CACNA2D1: variants seen among roughly 807,000 people sequenced by gnomAD.
CACNA2D1 encodes calcium voltage-gated channel auxiliary subunit alpha2delta 1.
CACNA2D1 carries 53 observed loss-of-function variants against 171.5 expected under a neutral mutation model. The ratio of observed to expected loss-of-function variants is 0.31; its 90% confidence interval spans 0.25 to 0.39. The LOEUF is 0.39. Ranked by LOEUF, CACNA2D1 falls within the 10% of genes least tolerant of loss-of-function variation. The probability of loss-of-function intolerance (pLI) is 1.00; values close to 1 mark genes in which losing one functional copy is unlikely to be tolerated. For synonymous variants in CACNA2D1, 442 were observed against 443.1 expected, an observed-to-expected ratio of 1.00 and a Z score of 0.03; for missense variants, 903 against 1,299.8, an observed-to-expected ratio of 0.69 and a Z score of 4.69.
At chr7:81,978,378 C>T (rs949837303) in intron 24 of CACNA2D1, among the ~76,000 whole-genome samples, 2 of 152,100 alleles carry the variant, frequency 1.3e-5, no homozygotes, top group Admixed American at 6.6e-5. Flanking sequence ...AAATATAACA[C>T]AAATGCCCCA....
At chr7:82,209,449 G>A (rs930471056) in intron 3 of CACNA2D1, among the ~76,000 whole-genome samples, 4 of 152,124 alleles carry the variant, frequency 2.6e-5, no homozygotes, top group African/African-American at 9.7e-5. Flanking sequence ...ATAGACCTTG[G>A]TAGCAAAGTG....
At chr7:82,114,483 GC>G (rs1788800996) in intron 6 of CACNA2D1, among the ~76,000 whole-genome samples, 1 of 152,112 alleles carries the variant, frequency 6.6e-6, no homozygotes, top group Non-Finnish European at 1.5e-5. Flanking sequence ...GGGGGCTCAC[GC>G]CTTTAATCCC....
intron 3 of CACNA2D1, among the ~76,000 whole-genome samples, chr7:82,242,149 G>A (rs1384948856): frequency 3.9e-5 from 6 of 152,084 alleles, no homozygotes; most frequent in Non-Finnish European, 8.8e-5. Context: ...GGGATTAGTT[G>A]ACATTATGTA....
chr7:82,193,727 A>G (rs961317831), intron 3 of CACNA2D1, among the ~76,000 whole-genome samples: 4 of 151,998 alleles, frequency 2.6e-5, no homozygotes, highest in Non-Finnish European at 4.4e-5. Context: ...GTATTTGAAG[A>G]GTAGGCATTA....
intron 3 of CACNA2D1, among the ~76,000 whole-genome samples, chr7:82,251,390 T>C (rs1349195750): frequency 6.6e-6 from 1 of 152,220 alleles, no homozygotes; most frequent in Non-Finnish European, 1.5e-5. Context: ...TAATTTGTTA[T>C]ACATTGCTGT....
Position 82,422,887 on chromosome 7 carries a change from GA to G in CACNA2D1, c.95+20477del, listed in dbSNP as rs879581387. ...AAATAAGCAAAAGATGCTTTGTCAAGAAAAAAAAAAAATTTCCATGCATTTT... is the reference window on the plus strand; with the variant it reads ...AAATAAGCAAAAGATGCTTTGTCAAGAAAAAAAAAAATTTCCATGCATTTT... On this transcript the variant is annotated intron_variant, in intron 1 of 38. Coordinates refer to ENST00000356860, the MANE Select transcript of CACNA2D1 (RefSeq NM_000722.4). Among the ~76,000 whole-genome samples the G allele has an allele frequency of 5.9e-3, 852 of 143,442 alleles. 8 individuals are homozygous for G. Among genetic ancestry groups the G allele is most frequent in the African/African-American group, 0.019 (760 of 39,462 alleles). 94.1% of individuals were successfully genotyped at this position (143,442 alleles called of 152,430 possible).
chr7:82,020,959 A>T (rs1042841805), intron 12 of CACNA2D1: 1 of 152,162 alleles, frequency 6.6e-6, no homozygotes, highest in African/African-American at 2.4e-5. Context: ...CACATTCACA[A>T]AGAACCAAGC....
intron 10 of CACNA2D1, among the ~76,000 whole-genome samples, chr7:82,052,444 A>C (rs1439561910): frequency 6.6e-6 from 1 of 152,182 alleles, no homozygotes; most frequent in Admixed American, 6.6e-5. Flanking sequence ...TAAATTGTTA[A>C]ATCTGTATTT....
In CACNA2D1 at chr7:81,961,933, T is replaced by A; in HGVS notation, c.2927A>T (p.Lys976Ile). 6.2e-7 allele frequency: 1 copy of A among 1,611,118 alleles called. No homozygotes were observed. Among genetic ancestry groups the A allele is most frequent in the South Asian group, 1.1e-5 (1 of 91,032 alleles). ...QTQYFFDNDSKSFSGVLDCGN... is the reference protein window; with the variant it reads ...QTQYFFDNDSISFSGVLDCGN... ...ACAGTCTAATACACCACTGAATGAT[T>A]TACTGTCGTTATCGAAGAAATACTG... Residue 976 changes from lysine to isoleucine, a missense_variant, in exon 36 of 39, where the codon AAA (lysine) becomes ATA (isoleucine). By Grantham distance (102) the Lys-to-Ile change is moderately radical (BLOSUM62 -3). This residue lies in a region of CACNA2D1 where 623 missense variants were observed against 925.5 expected (regional missense o/e 0.67). Coordinates refer to ENST00000356860, the MANE Select transcript of CACNA2D1 (RefSeq NM_000722.4).
intron 3 of CACNA2D1, among the ~76,000 whole-genome samples, chr7:82,231,685 C>A (rs1563232885): frequency 2.6e-5 from 4 of 152,000 alleles, no homozygotes. Context: ...CACTTTCCCT[C>A]TTCACCTCAC....
intron 4 of CACNA2D1, among the ~76,000 whole-genome samples, chr7:82,140,606 T>G (rs1356810364): frequency 4.6e-5 from 7 of 152,030 alleles, no homozygotes; most frequent in African/African-American, 1.7e-4. Context: ...AGCACTTAAT[T>G]TATATCACCA....
chr7:82,079,519 C>A (rs1809424494), intron 7 of CACNA2D1, among the ~76,000 whole-genome samples: 2 of 151,802 alleles, frequency 1.3e-5, no homozygotes, highest in South Asian at 4.2e-4. Context: ...TGGAGAAAAC[C>A]CGTCTCTACT....
intron 3 of CACNA2D1, among the ~76,000 whole-genome samples, chr7:82,314,799 T>C (rs978020152): frequency 6.6e-6 from 1 of 152,066 alleles, no homozygotes; most frequent in Non-Finnish European, 1.5e-5. Context: ...ATGCCTGAGA[T>C]AAACTTATCC....
intron 6 of CACNA2D1, among the ~76,000 whole-genome samples, chr7:82,090,473 G>A (rs531965075): frequency 6.6e-6 from 1 of 152,020 alleles, no homozygotes; most frequent in South Asian, 2.1e-4. Context: ...ACCATTTCAT[G>A]TAATTTATAA....
At chr7:82,299,191 A>G (rs1812688471) in intron 3 of CACNA2D1, among the ~76,000 whole-genome samples, 1 of 152,220 alleles carries the variant, frequency 6.6e-6, no homozygotes, top group Non-Finnish European at 1.5e-5. Flanking sequence ...TACTATGTAC[A>G]AAATGAAAGT....
intron 1 of CACNA2D1, among the ~76,000 whole-genome samples, chr7:82,436,775 A>G (rs955206295): frequency 2.0e-5 from 3 of 152,186 alleles, no homozygotes; most frequent in South Asian, 4.1e-4. Context: ...AAAACAAGAG[A>G]TTTTTGCAGT....
At chr7:82,418,587 T>A (rs951412030) in intron 1 of CACNA2D1, among the ~76,000 whole-genome samples, 1 of 152,144 alleles carries the variant, frequency 6.6e-6, no homozygotes, top group Non-Finnish European at 1.5e-5. Context: ...TTTTCCCTCA[T>A]GTAATAGCAT....
intron 38 of CACNA2D1, among the ~76,000 whole-genome samples, chr7:81,956,317 T>TA (rs1459899493): frequency 6.6e-6 from 1 of 151,970 alleles, no homozygotes; most frequent in Non-Finnish European, 1.5e-5. Context: ...AGAGCTGGCC[T>TA]ACTCAAGAGC....
chr7:82,343,929 C>A (rs1318422917), intron 2 of CACNA2D1, among the ~76,000 whole-genome samples: 7 of 152,200 alleles, frequency 4.6e-5, no homozygotes, highest in African/African-American at 1.7e-4. Flanking sequence ...TTGCCCATAA[C>A]TGTCATATCT....
Sources: allele counts gnomAD v4.1 joint callset (sites outside exome capture counted in the v4.1 genomes callset), GRCh38; gene constraint gnomAD v4.1.1; regional missense constraint gnomAD v4.1.1; transcripts MANE v1.5; gene names NCBI Gene and HGNC (gene_info 2026-07-23, HGNC 2026-07-21).